THEMIS: variants seen among roughly 807,000 people sequenced by gnomAD.
The protein encoded by THEMIS is thymocyte selection associated.
A neutral mutation model predicts 52.6 loss-of-function variants in THEMIS; 37 were observed. The observed-to-expected ratio is 0.70, with a 90% CI of 0.54 to 0.93. The LOEUF (loss-of-function observed/expected upper bound fraction) is 0.93. Ranked by LOEUF, THEMIS falls within the 40% of genes least tolerant of loss-of-function variation. The pLI, the probability that THEMIS is intolerant of heterozygous loss-of-function variation, is 0.00. For synonymous variants in THEMIS, 292 were observed against 272.7 expected, an observed-to-expected ratio of 1.07 and a Z score of -0.70; for missense variants, 808 against 763.1, an observed-to-expected ratio of 1.06 and a Z score of -0.69.
chr6:127,731,890 T>G (rs1360505558), intron 4 of THEMIS, among the ~76,000 whole-genome samples: 1 of 134,360 alleles, frequency 7.4e-6, no homozygotes, highest in African/African-American at 2.8e-5. Context: ...TTTTTTTTAG[T>G]AGAGATGGGG....
intron 4 of THEMIS, among the ~76,000 whole-genome samples, chr6:127,762,711 C>T (rs9491868): frequency 6.6e-6 from 1 of 152,054 alleles, no homozygotes; most frequent in Non-Finnish European, 1.5e-5. Context: ...ATTATTTCCT[C>T]TACTCAATCT....
At chr6:127,794,751 C>A (rs764532849) in intron 4 of THEMIS, among the ~76,000 whole-genome samples, 1 of 152,172 alleles carries the variant, frequency 6.6e-6, no homozygotes, top group Non-Finnish European at 1.5e-5. Flanking sequence ...CCTTGATATT[C>A]TTTCAAAAAT....
At chr6:127,800,872 G>T (rs539007204) in intron 4 of THEMIS, among the ~76,000 whole-genome samples, 11 of 152,196 alleles carry the variant, frequency 7.2e-5, no homozygotes, top group Admixed American at 1.3e-4. Flanking sequence ...GCCTATTGTG[G>T]GACCTATATT....
At chr6:127,827,865 G>A (rs1185580717) in intron 3 of THEMIS, among the ~76,000 whole-genome samples, 2 of 152,066 alleles carry the variant, frequency 1.3e-5, no homozygotes, top group Non-Finnish European at 1.5e-5. Context: ...TTGCCCTTAT[G>A]ACACATTTTA....
At chr6:127,746,160 A>G (rs547604257) in intron 4 of THEMIS, among the ~76,000 whole-genome samples, 34 of 151,884 alleles carry the variant, frequency 2.2e-4, no homozygotes, top group Non-Finnish European at 4.4e-4. Context: ...TCTATTATAT[A>G]ACATTAAGTT....
intron 2 of THEMIS, among the ~76,000 whole-genome samples, chr6:127,836,160 T>C (rs1256874037): frequency 6.6e-6 from 1 of 152,146 alleles, no homozygotes; most frequent in Non-Finnish European, 1.5e-5. Context: ...ATTTTAATGA[T>C]CTTAATTTTG....
chr6:127,720,269 A>C (rs1774318986), intron 4 of THEMIS, among the ~76,000 whole-genome samples: 1 of 151,932 alleles, frequency 6.6e-6, no homozygotes. Flanking sequence ...ATCTACTATA[A>C]ATTAAACCAC....
At chr6:127,896,747 C>G (rs1194275495) in intron 1 of THEMIS, among the ~76,000 whole-genome samples, 1 of 151,542 alleles carries the variant, frequency 6.6e-6, no homozygotes, top group East Asian at 1.9e-4. Context: ...TTTTCAAAAA[C>G]TGATGGTGAT....
At chr6:127,906,540 T>G (rs1781273189) in intron 1 of THEMIS, among the ~76,000 whole-genome samples, 1 of 151,948 alleles carries the variant, frequency 6.6e-6, no homozygotes, top group African/African-American at 2.4e-5. Flanking sequence ...TTAGATATAA[T>G]CAGATACACA....
intron 4 of THEMIS, among the ~76,000 whole-genome samples, chr6:127,735,037 C>A (rs1774954798): frequency 6.8e-6 from 1 of 146,880 alleles, no homozygotes; most frequent in Admixed American, 6.9e-5. Context: ...ATAATCTCTC[C>A]CTTCTAAAGT....
intron 4 of THEMIS, among the ~76,000 whole-genome samples, chr6:127,742,091 A>G (rs1452084550): frequency 6.6e-6 from 1 of 152,070 alleles, no homozygotes; most frequent in Admixed American, 6.6e-5. Flanking sequence ...TAGGCAGATC[A>G]CCTGATGTCA....
chr6:127,714,024 G>A (rs1232558070), intron 5 of THEMIS, among the ~76,000 whole-genome samples: 1 of 151,310 alleles, frequency 6.6e-6, no homozygotes, highest in African/African-American at 2.4e-5. Context: ...CAGTAGCCAT[G>A]GAAAAAAAAA....
intron 5 of THEMIS, among the ~76,000 whole-genome samples, chr6:127,715,712 T>A (rs1774132960): frequency 6.6e-6 from 1 of 152,000 alleles, no homozygotes. Flanking sequence ...TTCTGACCTG[T>A]TTAAATTCCC....
intron 1 of THEMIS, among the ~76,000 whole-genome samples, chr6:127,871,305 A>G (rs1181579203): frequency 2.6e-5 from 4 of 152,042 alleles, no homozygotes; most frequent in Non-Finnish European, 5.9e-5. Context: ...ACACATACAC[A>G]TACATATATT....
At chr6:127,817,940 G>C (rs1466909659) in intron 3 of THEMIS, among the ~76,000 whole-genome samples, 5 of 152,150 alleles carry the variant, frequency 3.3e-5, no homozygotes, top group Admixed American at 3.3e-4. Context: ...CAGGGTGAGA[G>C]AAGAAGCAAC....
At chr6:127,719,530 C>T (rs1774288367) in intron 5 of THEMIS, among the ~76,000 whole-genome samples, 158 bp downstream of exon 5, 1 of 151,888 alleles carries the variant, frequency 6.6e-6, no homozygotes, top group Non-Finnish European at 1.5e-5. Context: ...TCATGCTTCA[C>T]ATAAATCTTC....
chr6:127,884,257 G>A (rs555837918), intron 1 of THEMIS, among the ~76,000 whole-genome samples: 1 of 152,150 alleles, frequency 6.6e-6, no homozygotes, highest in South Asian at 2.1e-4. Context: ...TTCCCATGTG[G>A]CACATGGACA....
intron 4 of THEMIS, among the ~76,000 whole-genome samples, chr6:127,792,478 A>G (rs1777192048): frequency 1.3e-5 from 2 of 152,180 alleles, no homozygotes; most frequent in African/African-American, 4.8e-5. Context: ...ATTATGTTTT[A>G]TTATTATAGT....
At chr6:127,856,185 T>A (rs1022450364) in intron 1 of THEMIS, among the ~76,000 whole-genome samples, 1 of 152,000 alleles carries the variant, frequency 6.6e-6, no homozygotes, top group African/African-American at 2.4e-5. Context: ...GTTTTCTGAA[T>A]TTTTCTGTGT....
Sources: allele counts gnomAD v4.1 joint callset (sites outside exome capture counted in the v4.1 genomes callset), GRCh38; gene constraint gnomAD v4.1.1; transcripts MANE v1.5; gene names NCBI Gene and HGNC (gene_info 2026-07-23, HGNC 2026-07-21).